The following ABLIM2 variants were observed in gnomAD, a reference collection of about 807,000 sequenced individuals.
The protein encoded by ABLIM2 is actin-binding LIM protein 2.
ABLIM2 carries 53 observed loss-of-function variants against 97.7 expected under a neutral mutation model. The ratio of observed to expected loss-of-function variants is 0.54; its 90% CI spans 0.44 to 0.68. The LOEUF is 0.68. ABLIM2 is among the 30% of genes least tolerant of loss of function. The probability of loss-of-function intolerance (pLI) is 0.00; values close to 1 mark genes in which losing one functional copy is unlikely to be tolerated. For synonymous variants in ABLIM2, 361 were observed against 345.8 expected (o/e 1.04, Z -0.49); for missense variants, 835 against 867.2 (o/e 0.96, Z 0.47).
rs1416870976 is a variant in ABLIM2 at position 8,019,948 on chromosome 4, C to T, written c.1369+254G>A. Among the ~76,000 whole-genome samples, 1 of 152,222 alleles carries T rather than the reference C, an allele frequency of 6.6e-6. No individual in the cohort carries two copies. The highest frequency in any genetic ancestry group is 6.5e-5 in the Admixed American group (1 of 15,290). Reference sequence around the variant, plus strand: ...GCTCAGACAGCCCTTTTCCTTCACCCCATTCCCAGGAGGACAGGTGTATCT... The same window carrying T: ...GCTCAGACAGCCCTTTTCCTTCACCTCATTCCCAGGAGGACAGGTGTATCT... On this transcript the variant is annotated intron_variant, in intron 13 of 20. Transcript: ENST00000447017. The surrounding 1 kb of genome is among the most constrained non-coding windows in gnomAD (Gnocchi z 4.3).
rs114875700 is a variant in ABLIM2, at chr4:8,073,269, T to C, written c.675+4359A>G. On this transcript the variant is annotated intron_variant, in intron 6 of 20. Transcript: ENST00000447017. ...GCAAGGGAGAGAGTCAGGATAGAAA[T>C]GGGGTCTCATAGAGAGTGAGCCACC... Among the ~76,000 whole-genome samples, 1,188 of 150,988 alleles carry C rather than the reference T, an allele frequency of 7.9e-3. 15 individuals are homozygous for C. The highest frequency in any genetic ancestry group is 0.028 in the African/African-American group (1,132 of 41,010).
rs1219803778 is a variant in ABLIM2 at position 8,147,566 on chromosome 4, G to A, written c.10+11114C>T. On this transcript the variant is annotated intron_variant, in intron 1 of 20. Transcript: ENST00000447017. This position sits in a 1 kb window ranked among gnomAD's most constrained non-coding sequence, Gnocchi z 5.3. ...TTATGGGGAGGAGGGAGCGGGAGAC[G>A]ACACACACAGGGGAGAAGTAGCATG... Among the ~76,000 whole-genome samples the A allele has an allele frequency of 2.0e-5, 3 of 152,144 alleles. No individual in the cohort carries two copies. Among genetic ancestry groups the A allele is most frequent in the Admixed American group, 6.5e-5 (1 of 15,278 alleles).
chr4:8,056,379 C>A (rs1799180414), intron 7 of ABLIM2, among the ~76,000 whole-genome samples: 2 of 149,532 alleles, frequency 1.3e-5, no homozygotes, highest in African/African-American at 4.9e-5. Context: ...TAGCTCACTG[C>A]AGCCCCCACC....
At chr4:8,000,789 C>T (rs542142582) in intron 16 of ABLIM2, among the ~76,000 whole-genome samples, 17 of 152,248 alleles carry the variant, frequency 1.1e-4, no homozygotes, top group African/African-American at 3.9e-4. Context: ...CAGACTCTTA[C>T]GCTGCTCCCA....
chr4:8,045,735 C>A (rs904419419), intron 8 of ABLIM2, among the ~76,000 whole-genome samples: 14 of 152,196 alleles, frequency 9.2e-5, no homozygotes, highest in Non-Finnish European at 1.6e-4. Context: ...GGATGAATGA[C>A]TGAAAAGCTA....
Position 8,054,118 on chromosome 4 carries a change from C to T in ABLIM2, c.822+70G>A. 6.4e-7 allele frequency: 1 copy of T among 1,557,140 alleles called. No homozygotes were observed. The stretch of plus-strand genomic sequence containing the variant: ...GAGCCTGTAGAATCTGGTCAGTGTC[C>T]TCTTAACTGTACAAAGATGGTGCAG... On this transcript the variant is annotated intron_variant, in intron 8 of 20. Coordinates refer to ENST00000447017, the MANE Select transcript of ABLIM2 (RefSeq NM_001130083.2). The surrounding 1 kb of genome is among the most constrained non-coding windows in gnomAD (Gnocchi z 4.9).
chr4:8,033,216 G>A lies in ABLIM2; in HGVS notation c.1047+2933C>T, dbSNP rs116376102. Among the ~76,000 whole-genome samples, 302 of 152,340 alleles carry A rather than the reference G, an allele frequency of 2.0e-3. No homozygotes were observed. The highest frequency in any genetic ancestry group is 4.3e-3 in the Admixed American group (66 of 15,300). On this transcript the variant is annotated intron_variant, in intron 10 of 20. Coordinates refer to ENST00000447017, the MANE Select transcript of ABLIM2 (RefSeq NM_001130083.2). This position sits in a 1 kb window ranked among gnomAD's most constrained non-coding sequence, Gnocchi z 4.5. ...ACCACCACCTGCACATATGTTCAGT[G>A]AGGAGCATGGAGGTGGGAGGGGCCC...
Position 8,084,306 on chromosome 4 carries a change from T to C in ABLIM2, c.455-3504A>G, listed in dbSNP as rs554727496. ...CGGGGGCTCCTGCGAGGATCCTGGGTTTACCTCCCAGGCGCACCCAGGGGT... is the reference window on the plus strand; with the variant it reads ...CGGGGGCTCCTGCGAGGATCCTGGGCTTACCTCCCAGGCGCACCCAGGGGT... On this transcript the variant is annotated intron_variant, in intron 4 of 20. Coordinates refer to ENST00000447017, the MANE Select transcript of ABLIM2 (RefSeq NM_001130083.2). Among the ~76,000 whole-genome samples, 96 of 152,086 alleles carry C rather than the reference T, an allele frequency of 6.3e-4. 1 individual carries two copies. Among genetic ancestry groups the C allele is most frequent in the African/African-American group, 2.2e-3 (93 of 41,500 alleles).
At chr4:8,143,310 C>A (rs983484450) in intron 1 of ABLIM2, among the ~76,000 whole-genome samples, 2 of 152,100 alleles carry the variant, frequency 1.3e-5, no homozygotes, top group South Asian at 4.2e-4. Flanking sequence ...GACTCCCAGG[C>A]CCCCAAGGCT....
At chr4:8,065,892 C>G (rs1580314609) in intron 6 of ABLIM2, among the ~76,000 whole-genome samples, 1 of 149,504 alleles carries the variant, frequency 6.7e-6, no homozygotes, top group Non-Finnish European at 1.5e-5. Context: ...CCACTGTACT[C>G]CAGCCTAAGC....
Position 8,140,677 on chromosome 4 carries a change from G to A in ABLIM2, c.10+18003C>T, listed in dbSNP as rs969693902. Among the ~76,000 whole-genome samples the A allele has an allele frequency of 1.4e-4, 21 of 152,138 alleles. No individual in the cohort carries two copies. The highest frequency in any genetic ancestry group is 4.8e-4 in the African/African-American group (20 of 41,416). ...AAAATCGACCCCAGAGAATACACAA[G>A]AGGGCAGTGACCCAGGGGAGCTGGG... On this transcript the variant is annotated intron_variant, in intron 1 of 20. Coordinates refer to ENST00000447017, the MANE Select transcript of ABLIM2 (RefSeq NM_001130083.2). This position sits in a 1 kb window ranked among gnomAD's most constrained non-coding sequence, Gnocchi z 5.9.
At chr4:8,066,561 T>G (rs745625680) in intron 6 of ABLIM2, 2 of 152,140 alleles carry the variant, frequency 1.3e-5, no homozygotes, top group Non-Finnish European at 2.9e-5. Context: ...CCAGGGAGTA[T>G]TATTCAGCCA....
intron 8 of ABLIM2, among the ~76,000 whole-genome samples, chr4:8,052,377 G>T (rs1458940437): frequency 6.6e-6 from 1 of 152,214 alleles, no homozygotes; most frequent in East Asian, 1.9e-4. Flanking sequence ...TCATCCCTGA[G>T]ACCCAGCGCA....
chr4:8,129,276 CT>C (rs1849012620), intron 1 of ABLIM2, among the ~76,000 whole-genome samples: 2 of 152,294 alleles, frequency 1.3e-5, no homozygotes, highest in East Asian at 3.9e-4. Context: ...GCCCCGCCCC[CT>C]CTGTGACTCA....
chr4:8,028,384 C>T (rs1425871472), intron 11 of ABLIM2, among the ~76,000 whole-genome samples: 1 of 152,186 alleles, frequency 6.6e-6, no homozygotes, highest in South Asian at 2.1e-4. Context: ...CTCACCTGCT[C>T]ACTCACTCAC....
At chr4:7,980,938 C>CTTTTTTTTTTTTTTTTTTTTTTTT (rs1255215577) in intron 20 of ABLIM2, among the ~76,000 whole-genome samples, 1 of 38,496 alleles carries the variant, frequency 2.6e-5, no homozygotes. Flanking sequence ...TCCACAACCC[C>CTTTTTTTTTTTTTTTTTTTTTTTT]TTATTTTTTT....
At chr4:8,059,614 T>C (rs938180987) in intron 7 of ABLIM2, among the ~76,000 whole-genome samples, 3 of 152,068 alleles carry the variant, frequency 2.0e-5, no homozygotes, top group African/African-American at 7.2e-5. Flanking sequence ...AACTGCCTCT[T>C]TGATGGCCGG....
At chr4:8,034,725 G>C (rs1783273356) in intron 10 of ABLIM2, among the ~76,000 whole-genome samples, 1 of 90,574 alleles carries the variant, frequency 1.1e-5, no homozygotes, top group Non-Finnish European at 2.2e-5. Flanking sequence ...GTAGGTAGGT[G>C]GGTGCAGGTG....
At chr4:8,064,966 G>T (rs539149179) in intron 6 of ABLIM2, among the ~76,000 whole-genome samples, 1 of 152,326 alleles carries the variant, frequency 6.6e-6, no homozygotes, top group African/African-American at 2.4e-5. Flanking sequence ...ATGCTGTTAA[G>T]AGGACAGGTG....
Sources: gnomAD v4.1 joint callset for allele counts (sites outside exome capture counted in the v4.1 genomes callset) on GRCh38, gnomAD v4.1.1 for gene constraint, Gnocchi (gnomAD v3.1) non-coding constraint, MANE v1.5 for transcripts, NCBI Gene and HGNC (gene_info 2026-07-23, HGNC 2026-07-21) for gene names.